Variants in SEL1L3 observed in about 807,000 individuals in gnomAD.
SEL1L3 encodes the protein protein sel-1 homolog 3.
In SEL1L3, 76 loss-of-function variants were observed where a neutral mutation model predicts 142.8. The ratio of observed to expected loss-of-function variants is 0.53; its 90% CI spans 0.44 to 0.64. The LOEUF (loss-of-function observed/expected upper bound fraction) is 0.64. SEL1L3 is among the 30% of genes least tolerant of loss of function. SEL1L3 has a pLI of 0.00. For missense variants in SEL1L3, 1,262 were observed against 1,381.7 expected, an observed-to-expected ratio of 0.91 and a Z score of 1.37; for synonymous variants, 504 against 519.6, an observed-to-expected ratio of 0.97 and a Z score of 0.41.
At chr4:25,820,047 G>A in intron 7 of SEL1L3, 107 bp from the exon 8 acceptor site, 1 of 1,108,058 alleles carries the variant, frequency 9.0e-7, no homozygotes, top group Non-Finnish European at 1.3e-6. Flanking sequence ...GACATCTCCA[G>A]GTGGCTCGTT....
rs75888015 is a variant in SEL1L3, at chr4:25,807,740, C to T, written c.1565-2988G>A. Reference sequence around the variant, plus strand: ...ACACTTGTCCTGCCGACCCCTGGCACGGAACCCCAGAAATCATTAGCAGGA... The same window carrying T: ...ACACTTGTCCTGCCGACCCCTGGCATGGAACCCCAGAAATCATTAGCAGGA... On this transcript the variant is annotated intron_variant, in intron 9 of 23. Coordinates refer to ENST00000399878, the MANE Select transcript of SEL1L3 (RefSeq NM_015187.5). Among the ~76,000 whole-genome samples the T allele has an allele frequency of 2.3e-3, 356 of 152,148 alleles. 7 individuals carry two copies. The highest frequency in any genetic ancestry group is 8.3e-3 in the African/African-American group (345 of 41,472).
At chr4:25,819,740 A>G in intron 8 of SEL1L3, 68 bp downstream of exon 8, 1 of 1,476,116 alleles carries the variant, frequency 6.8e-7, no homozygotes, top group Non-Finnish European at 9.1e-7. Context: ...CCTGTTATGG[A>G]GAAGCCAAAC....
intron 15 of SEL1L3, among the ~76,000 whole-genome samples, chr4:25,781,505 G>A (rs1719998620): frequency 6.6e-6 from 1 of 152,128 alleles, no homozygotes; most frequent in African/African-American, 2.4e-5. Flanking sequence ...AGGCGTGGTG[G>A]TGCACGCCTG....
chr4:25,750,720 C>T (rs1311741202), intron 23 of SEL1L3, among the ~76,000 whole-genome samples: 1 of 152,138 alleles, frequency 6.6e-6, no homozygotes, highest in Non-Finnish European at 1.5e-5. Flanking sequence ...ATAAGCACTA[C>T]TTTGTGACAT....
the SEL1L3 span, among the ~76,000 whole-genome samples, chr4:25,722,171 T>C: frequency 6.6e-6 from 1 of 152,080 alleles, no homozygotes; most frequent in Non-Finnish European, 1.5e-5. Flanking sequence ...GGGAAAAAAG[T>C]GACTAGGAAA....
intron 1 of SEL1L3, chr4:25,861,878 TC>T (rs1717731953): frequency 6.6e-6 from 1 of 152,144 alleles, no homozygotes; most frequent in Non-Finnish European, 1.5e-5. Context: ...CCCACTTTGT[TC>T]TGAGGGGTCT....
the SEL1L3 span, among the ~76,000 whole-genome samples, chr4:25,736,493 G>C: frequency 3.9e-5 from 6 of 152,170 alleles, no homozygotes; most frequent in South Asian, 1.2e-3. Context: ...CAAAGTGCTG[G>C]GATTACAGGT....
At chr4:25,728,918 C>T in the SEL1L3 span, among the ~76,000 whole-genome samples, 1 of 151,434 alleles carries the variant, frequency 6.6e-6, no homozygotes, top group South Asian at 2.1e-4. Flanking sequence ...ACTGAACAGA[C>T]TCTTACTGGC....
chr4:25,820,397 A>C (rs1193216298), intron 7 of SEL1L3, among the ~76,000 whole-genome samples: 1 of 152,144 alleles, frequency 6.6e-6, no homozygotes, highest in Non-Finnish European at 1.5e-5. Context: ...GGCTCACCCC[A>C]TCTCACTTAC....
At chr4:25,822,707 G>A (rs550116655) in intron 6 of SEL1L3, among the ~76,000 whole-genome samples, 45 of 152,304 alleles carry the variant, frequency 3.0e-4, no homozygotes, top group African/African-American at 9.9e-4. Context: ...GGAGATGAGA[G>A]GTGAGCACAG....
Position 25,814,991 on chromosome 4 carries a change from G to A in SEL1L3, c.1564+3147C>T, listed in dbSNP as rs149068445. Among the ~76,000 whole-genome samples, 75 of 152,208 alleles carry A rather than the reference G, an allele frequency of 4.9e-4. 1 individual carries two copies. In the East Asian group the frequency reaches 0.014, roughly 28 times the overall value. On this transcript the variant is annotated intron_variant, in intron 9 of 23. Coordinates refer to ENST00000399878, the MANE Select transcript of SEL1L3 (RefSeq NM_015187.5). ...CTTCCAATGTGACCTAGAGAAAGAG[G>A]TGCTGAAGGCAAATGGGGCCCAGGG...
intron 7 of SEL1L3, among the ~76,000 whole-genome samples, chr4:25,821,462 C>G (rs540614403): frequency 6.6e-6 from 1 of 152,168 alleles, no homozygotes; most frequent in Non-Finnish European, 1.5e-5. Flanking sequence ...CAGTTCCATT[C>G]GGGGGCGGGT....
At chr4:25,856,425 A>G (rs953865778) in intron 1 of SEL1L3, among the ~76,000 whole-genome samples, 6 of 152,166 alleles carry the variant, frequency 3.9e-5, no homozygotes, top group African/African-American at 1.4e-4. Flanking sequence ...TGAAAGCAAC[A>G]TACTGATCCA....
At chr4:25,851,563 T>G (rs1716900735) in intron 1 of SEL1L3, among the ~76,000 whole-genome samples, 1 of 152,026 alleles carries the variant, frequency 6.6e-6, no homozygotes, top group Non-Finnish European at 1.5e-5. Context: ...CACAATTTTT[T>G]TTTAAGTAGG....
rs149245179 is a variant in SEL1L3 at position 25,839,477 on chromosome 4, G to A, written c.734-4154C>T. On this transcript the variant is annotated intron_variant, in intron 2 of 23. Transcript: ENST00000399878. The stretch of plus-strand genomic sequence containing the variant: ...AGGTTAAATAAATTACGGTCTGTCA[G>A]GCGATGCAACGCTAAGGAGCTGTTG... Among the ~76,000 whole-genome samples the A allele has an allele frequency of 2.9e-3, 441 of 152,302 alleles. 2 individuals are homozygous for A. The highest frequency in any genetic ancestry group is 8.9e-3 in the African/African-American group (371 of 41,556).
chr4:25,744,348 C>CTT (rs35155388), downstream of SEL1L3, among the ~76,000 whole-genome samples: 48 of 101,436 alleles, frequency 4.7e-4, 2 homozygotes, highest in African/African-American at 1.4e-3. Context: ...ATGTGTGAGT[C>CTT]TTTTTTTTTT....
At chr4:25,721,674 A>C in the SEL1L3 span, among the ~76,000 whole-genome samples, 1 of 152,202 alleles carries the variant, frequency 6.6e-6, no homozygotes, top group African/African-American at 2.4e-5. Context: ...TGGTCAAGTC[A>C]ATGAGCCAGG....
At chr4:25,777,687 A>G in intron 16 of SEL1L3, 4 of 387,172 alleles carry the variant, frequency 1.0e-5, no homozygotes, top group South Asian at 7.9e-5. Context: ...TAACAAGAGG[A>G]TAACAGAAAA....
At chr4:25,737,124 A>G in the SEL1L3 span, among the ~76,000 whole-genome samples, 1 of 152,026 alleles carries the variant, frequency 6.6e-6, no homozygotes. Flanking sequence ...AGTTGGGACT[A>G]CAGGCACACG....
Sources: gnomAD v4.1 joint callset for allele counts (sites outside exome capture counted in the v4.1 genomes callset) on GRCh38, gnomAD v4.1.1 for gene constraint, MANE v1.5 for transcripts, NCBI Gene and HGNC (gene_info 2026-07-23, HGNC 2026-07-21) for gene names.